VWA8: variants seen among roughly 807,000 people sequenced by gnomAD.
VWA8 encodes von Willebrand factor A domain containing 8.
VWA8 carries 221 observed loss-of-function variants against 241.5 expected under a neutral mutation model. The observed-to-expected ratio is 0.91, with a 90% confidence interval of 0.82 to 1.02. The LOEUF (loss-of-function observed/expected upper bound fraction) is 1.02, where lower values mean the gene tolerates loss of function less well. Among genes scored for constraint, VWA8 ranks in the 50% least tolerant of loss-of-function variants. The pLI is 0.00. For missense variants in VWA8, 2,322 were observed against 2,328.7 expected (o/e 1.00, Z 0.06); for synonymous variants, 852 against 827.1 (o/e 1.03, Z -0.52).
At chr13:41,932,815 G>T (rs1203708249) in intron 2 of VWA8, among the ~76,000 whole-genome samples, 4 of 146,078 alleles carry the variant, frequency 2.7e-5, no homozygotes, top group African/African-American at 5.5e-5. Flanking sequence ...AGAAAAAAAC[G>T]TCCTTAACTT....
At chr13:41,640,109 G>A (rs768217383) in intron 37 of VWA8, among the ~76,000 whole-genome samples, 1 of 152,050 alleles carries the variant, frequency 6.6e-6, no homozygotes. Flanking sequence ...TCCCTCCCCC[G>A]CTCCTATTCT....
chr13:41,941,966 C>G (rs1665509812), intron 2 of VWA8, among the ~76,000 whole-genome samples: 2 of 152,156 alleles, frequency 1.3e-5, no homozygotes, highest in South Asian at 4.1e-4. Context: ...TTCCTATTGT[C>G]TGTCAAGATT....
At chr13:41,657,482 CTTTTTT>C (rs35182691) in intron 37 of VWA8, among the ~76,000 whole-genome samples, 5 of 136,106 alleles carry the variant, frequency 3.7e-5, no homozygotes, top group African/African-American at 1.3e-4. Flanking sequence ...AAAAGTTATT[CTTTTTT>C]TTTTTTTTTT....
intron 22 of VWA8, among the ~76,000 whole-genome samples, chr13:41,730,147 G>T (rs553576372): frequency 6.6e-6 from 1 of 152,224 alleles, no homozygotes; most frequent in East Asian, 1.9e-4. Flanking sequence ...GGATAGTGGA[G>T]AAAAGGTAGT....
chr13:41,782,860 G>A (rs1241138031), intron 19 of VWA8, among the ~76,000 whole-genome samples: 3 of 151,676 alleles, frequency 2.0e-5, no homozygotes, highest in African/African-American at 7.3e-5. Context: ...TCTTATTAAA[G>A]TAAACATCTA....
chr13:41,710,922 G>A (rs1417211392), intron 26 of VWA8, among the ~76,000 whole-genome samples: 2 of 152,228 alleles, frequency 1.3e-5, no homozygotes, highest in Non-Finnish European at 2.9e-5. Flanking sequence ...AGAAGTAGCA[G>A]CTGCTATTGA....
At chr13:41,741,778 C>T (rs1044757040) in intron 21 of VWA8, among the ~76,000 whole-genome samples, 1 of 152,168 alleles carries the variant, frequency 6.6e-6, no homozygotes, top group Non-Finnish European at 1.5e-5. Context: ...GAATAGTTCA[C>T]AGACCCTAAT....
rs372912149 is a variant in VWA8 at position 41,865,939 on chromosome 13, G to A, written c.1310C>T (p.Ser437Phe). 71 of 1,614,064 alleles carry A rather than the reference G, an allele frequency of 4.4e-5. No individual in the cohort carries two copies. The highest frequency in any genetic ancestry group is 5.8e-5 in the Non-Finnish European group (69 of 1,180,048). Residue 437 changes from serine (S) to phenylalanine (F), a missense_variant, in exon 11 of 45, where the codon TCT becomes TTT. By Grantham distance (155) the Ser-to-Phe change is radical (BLOSUM62 -2). Transcript: ENST00000379310. Reference sequence around the variant, plus strand: ...TAAACATATATCTTTAACCATGTGAGACTGCATCATTTCAGCCTGTAGCTG... The same window carrying A: ...TAAACATATATCTTTAACCATGTGAAACTGCATCATTTCAGCCTGTAGCTG... ...HKQLQAEMMQ[S>F]HMVKDICLIG...
intron 37 of VWA8, among the ~76,000 whole-genome samples, chr13:41,667,039 T>C (rs1007105063): frequency 6.6e-6 from 1 of 152,178 alleles, no homozygotes; most frequent in Non-Finnish European, 1.5e-5. Flanking sequence ...GAATGATGTA[T>C]AAGAGTAAAC....
intron 17 of VWA8, among the ~76,000 whole-genome samples, chr13:41,810,273 G>C (rs371516601): frequency 6.6e-6 from 1 of 151,988 alleles, no homozygotes; most frequent in African/African-American, 2.4e-5. Context: ...GTATATGCCC[G>C]GTATATGCCC....
At chr13:41,575,496 C>A (rs1465499612) in intron 43 of VWA8, among the ~76,000 whole-genome samples, 1 of 151,964 alleles carries the variant, frequency 6.6e-6, no homozygotes, top group Non-Finnish European at 1.5e-5. Context: ...ACAAGGGGGC[C>A]CAGGTTGTAG....
At chr13:41,601,525 T>C (rs1039816027) in intron 40 of VWA8, among the ~76,000 whole-genome samples, 18 of 152,134 alleles carry the variant, frequency 1.2e-4, no homozygotes, top group Non-Finnish European at 2.4e-4. Flanking sequence ...TGATTATAGA[T>C]CAGAAAAACA....
At chr13:41,610,304 A>T (rs2139659871) in intron 39 of VWA8, among the ~76,000 whole-genome samples, 1 of 152,314 alleles carries the variant, frequency 6.6e-6, no homozygotes, top group Middle Eastern at 3.4e-3. Context: ...AGGCATAAAC[A>T]CTTTCATTCC....
chr13:41,636,864 G>T (rs1328437517), intron 37 of VWA8, among the ~76,000 whole-genome samples: 2 of 152,048 alleles, frequency 1.3e-5, no homozygotes, highest in African/African-American at 4.8e-5. Context: ...ACCACAATGA[G>T]ATACCATCTC....
chr13:41,632,432 C>T (rs982696904), intron 37 of VWA8, among the ~76,000 whole-genome samples: 1 of 152,092 alleles, frequency 6.6e-6, no homozygotes, highest in Non-Finnish European at 1.5e-5. Context: ...TTAATATGAC[C>T]CAGATCCTAA....
intron 17 of VWA8, among the ~76,000 whole-genome samples, chr13:41,802,376 G>A (rs990281407): frequency 2.0e-5 from 3 of 152,212 alleles, no homozygotes; most frequent in African/African-American, 7.2e-5. Flanking sequence ...CACCACCACA[G>A]GCTAAAGTGC....
chr13:41,757,093 C>T (rs1048430081), intron 21 of VWA8, among the ~76,000 whole-genome samples: 5 of 151,392 alleles, frequency 3.3e-5, no homozygotes, highest in African/African-American at 4.8e-5. Context: ...ATTATATTTC[C>T]AACTTTATCC....
Position 41,592,016 on chromosome 13 carries a change from C to T in VWA8, c.4987-1251G>A, listed in dbSNP as rs1442732424. On this transcript the variant is annotated intron_variant, in intron 40 of 44. Transcript: ENST00000379310. ...ATGCTGCTATAAAGACACATGCACA[C>T]GTATGTTTATTGCGGCACTATTCAC... Among the ~76,000 whole-genome samples the T allele has an allele frequency of 1.8e-4, 27 of 149,452 alleles. 1 individual carries two copies. The highest frequency in any genetic ancestry group is 4.9e-4 in the African/African-American group (20 of 40,688).
At chr13:41,797,654 T>C (rs1403443798) in intron 17 of VWA8, among the ~76,000 whole-genome samples, 5 of 152,204 alleles carry the variant, frequency 3.3e-5, no homozygotes, top group Non-Finnish European at 5.9e-5. Flanking sequence ...TTAAATCTAC[T>C]AAATGAATTT....
Sources: gnomAD v4.1 joint callset for allele counts (sites outside exome capture counted in the v4.1 genomes callset) on GRCh38, gnomAD v4.1.1 for gene constraint, MANE v1.5 for transcripts, NCBI Gene and HGNC (gene_info 2026-07-23, HGNC 2026-07-21) for gene names.